The following PLCH2 variants were observed in gnomAD, a reference collection of about 807,000 sequenced individuals.
PLCH2 encodes phospholipase C eta 2, also known as 1-phosphatidylinositol 4,5-bisphosphate phosphodiesterase eta-2.
Under a neutral mutation model 134.7 loss-of-function variants are expected in PLCH2, and 98 were observed. The ratio of observed to expected loss-of-function variants is 0.73; its 90% CI spans 0.62 to 0.86. PLCH2 has a LOEUF of 0.86. Among genes scored for constraint, PLCH2 ranks in the 40% least tolerant of loss-of-function variants. PLCH2 has a pLI of 0.00. For missense variants in PLCH2, 1,994 were observed against 1,986.6 expected (o/e 1.00, Z -0.07); for synonymous variants, 974 against 827.5 (o/e 1.18, Z -3.04).
At chr1:2,434,348 C>T (rs1446729595) in intron 2 of PLCH2, among the ~76,000 whole-genome samples, 3 of 152,212 alleles carry the variant, frequency 2.0e-5, no homozygotes, top group Non-Finnish European at 4.4e-5. Flanking sequence ...GAAGGTGGCC[C>T]CAGCTCCTTG....
At chr1:2,460,193 G>A (rs1354584188) in intron 2 of PLCH2, among the ~76,000 whole-genome samples, 1 of 152,240 alleles carries the variant, frequency 6.6e-6, no homozygotes, top group Non-Finnish European at 1.5e-5. Flanking sequence ...TGCTGTCCAG[G>A]AAAGCAGCCC....
At chr1:2,481,195 G>T (rs1641953816) in intron 4 of PLCH2, among the ~76,000 whole-genome samples, 1 of 152,160 alleles carries the variant, frequency 6.6e-6, no homozygotes, top group South Asian at 2.1e-4. Flanking sequence ...TGTTCTCACT[G>T]TAGGTGGCTG....
intron 2 of PLCH2, among the ~76,000 whole-genome samples, chr1:2,445,429 T>C (rs1162906805): frequency 2.0e-5 from 3 of 151,816 alleles, no homozygotes; most frequent in Non-Finnish European, 4.4e-5. Flanking sequence ...CTGGTGGGAG[T>C]GTCTGCTGGA....
At chr1:2,419,424 C>T in the PLCH2 span, among the ~76,000 whole-genome samples, 3 of 152,134 alleles carry the variant, frequency 2.0e-5, no homozygotes, top group Non-Finnish European at 2.9e-5. Context: ...CAGAGGGGAT[C>T]GAAGGGGCGC....
At position 2,504,117 on chromosome 1, in the gene PLCH2, G is replaced by T; in HGVS notation, c.3155G>T (p.Arg1052Leu). The stretch of plus-strand genomic sequence containing the variant: ...CCCCTAGAGGACACTGAGGAGCCCC[G>T]AGACAGCAGGCCTCGGCCGTGCAAC... ...ASPLEDTEEP[R>L]DSRPRPCNGE... Residue 1052 changes from arginine to leucine, a missense_variant, in exon 22 of 22, where the codon CGA becomes CTA. By Grantham distance (102) the Arg-to-Leu change is moderately radical (BLOSUM62 -2). Around this residue, in one of 2 missense-constraint regions of PLCH2, gnomAD observed 900 missense variants for 752.3 expected, o/e 1.20. Coordinates refer to ENST00000378486, the MANE Select transcript of PLCH2 (RefSeq NM_014638.4). 6.6e-7 allele frequency: 1 copy of T among 1,524,010 alleles called. No homozygotes were observed. The highest frequency in any genetic ancestry group is 8.8e-7 in the Non-Finnish European group (1 of 1,136,094). The allele number at this position is 1,524,010 out of a possible 1,614,324, so 94.4% of individuals were successfully genotyped here. A position where few individuals can be genotyped will look rare whatever the true frequency, so the allele number is the denominator to read the frequency against.
Position 2,476,527 on chromosome 1 carries a change from G to A in PLCH2, c.-62G>A, listed in dbSNP as rs540673522. Reference sequence around the variant, plus strand: ...CCAGCGCTGCCACTGCCTGACCTCCGCTGCCCGAAGGCCGGTGGGCCTCTG... The same window carrying A: ...CCAGCGCTGCCACTGCCTGACCTCCACTGCCCGAAGGCCGGTGGGCCTCTG... On this transcript the variant is annotated 5_prime_UTR_variant, in exon 1 of 22. Coordinates refer to ENST00000378486, the MANE Select transcript of PLCH2 (RefSeq NM_014638.4). 88 of 1,425,480 alleles carry A rather than the reference G, an allele frequency of 6.2e-5. No individual in the cohort carries two copies. The highest frequency in any genetic ancestry group is 1.3e-4 in the African/African-American group (9 of 69,148). The allele number at this position is 1,425,480 out of a possible 1,614,324, so 88.3% of individuals were successfully genotyped here.
chr1:2,486,971 ACAAG>A lies in PLCH2; in HGVS notation c.882_885del (p.Asn294LysfsTer34). 1 of 1,606,056 alleles carries A rather than the reference ACAAG, an allele frequency of 6.2e-7. No individual in the cohort carries two copies. Among genetic ancestry groups the A allele is most frequent in the Non-Finnish European group, 8.5e-7 (1 of 1,176,522 alleles). ...GAGCAGTTTGAGCCATGCCCAGAAA[ACAAG>A]AGTAAGGGGCTGCTGGGCATTGATG... On this transcript the variant is annotated frameshift_variant, in exon 6 of 22. Coordinates refer to ENST00000378486, the MANE Select transcript of PLCH2 (RefSeq NM_014638.4). LOFTEE classifies it high-confidence loss of function.
intron 2 of PLCH2, among the ~76,000 whole-genome samples, chr1:2,433,739 G>C (rs1267645350): frequency 6.6e-6 from 1 of 152,198 alleles, no homozygotes; most frequent in Non-Finnish European, 1.5e-5. Context: ...AAAGACAAGG[G>C]AGAAAATCAG....
rs1639819271 is a variant in PLCH2 at position 2,444,009 on chromosome 1, G to A, written c.115+13380G>A. Among the ~76,000 whole-genome samples, 1 of 152,162 alleles carries A rather than the reference G, an allele frequency of 6.6e-6. No homozygotes were observed. Among genetic ancestry groups the A allele is most frequent in the Non-Finnish European group, 1.5e-5 (1 of 68,022 alleles). The stretch of plus-strand genomic sequence containing the variant: ...TCCTGCCGCTGCGCCGCTGCCAACC[G>A]GGATGCGCGGGTGGACGCGCGGGGG... On this transcript the variant is annotated intron_variant, in intron 2 of 3. Transcript: ENST00000609981. This position sits in a 1 kb window ranked among gnomAD's most constrained non-coding sequence, Gnocchi z 4.6.
In PLCH2 at chr1:2,439,542, T is replaced by G. The variant is rs1161495827; in HGVS notation, c.115+8913T>G. Among the ~76,000 whole-genome samples the G allele has an allele frequency of 6.6e-6, 1 of 152,262 alleles. No individual in the cohort carries two copies. The highest frequency in any genetic ancestry group is 1.9e-4 in the East Asian group (1 of 5,206). On this transcript the variant is annotated intron_variant, in intron 2 of 3. Coordinates refer to the PLCH2 transcript ENST00000609981. The surrounding 1 kb of genome is among the most constrained non-coding windows in gnomAD (Gnocchi z 4.7). ...CTTTCTAAATTTAGCTGCTGAGGAT[T>G]GCACGTTTACCCGATTAAGCCCATT...
rs750630843 is a variant in PLCH2 at position 2,495,580 on chromosome 1, C to T, written c.1835+10C>T. The T allele has an allele frequency of 6.5e-7, 1 of 1,538,658 alleles. No homozygotes were observed. The highest frequency in any genetic ancestry group is 2.0e-5 in the Admixed American group (1 of 49,596). ...GAGGCCAGAGCCGAGGGTAGGTGCC[C>T]TGCCCCACGGGGAGGCCCCGCACAC... On this transcript the variant is annotated intron_variant, in intron 13 of 21. Transcript: ENST00000378486.
chr1:2,462,884 C>T (rs907157249), upstream of PLCH2, among the ~76,000 whole-genome samples: 1 of 152,174 alleles, frequency 6.6e-6, no homozygotes, highest in African/African-American at 2.4e-5. Flanking sequence ...TGGATCTGGC[C>T]CTTCGAGGCC....
chr1:2,504,388 C>A lies in PLCH2; in HGVS notation c.3426C>A (p.Ser1142Arg), dbSNP rs768045322. ...QRLEPCGHRDSVSSSSSMSSS... is the reference protein window; with the variant it reads ...QRLEPCGHRDRVSSSSSMSSS... ...TGGAGCCATGTGGCCACCGAGACAG[C>A]GTTTCCTCCTCCTCCAGCATGTCAT... Residue 1142 changes from serine to arginine, a missense_variant, in exon 22 of 22, where the codon AGC becomes AGA. Ser to Arg is a moderately radical substitution (Grantham distance 110). Around this residue, in one of 2 missense-constraint regions of PLCH2, gnomAD observed 900 missense variants for 752.3 expected, o/e 1.20. Transcript: ENST00000378486. The A allele has an allele frequency of 1.2e-6, 2 of 1,612,298 alleles. No homozygotes were observed. The highest frequency in any genetic ancestry group is 3.3e-5 in the Admixed American group (2 of 60,020).
upstream of PLCH2, among the ~76,000 whole-genome samples, chr1:2,421,085 C>T (rs1476208543): frequency 6.6e-6 from 1 of 152,030 alleles, no homozygotes; most frequent in African/African-American, 2.4e-5. Context: ...GCTGAGATTA[C>T]AGGCATGCGC....
chr1:2,477,497 A>C (rs1641699208), intron 1 of PLCH2, among the ~76,000 whole-genome samples: 1 of 152,068 alleles, frequency 6.6e-6, no homozygotes, highest in South Asian at 2.1e-4. Flanking sequence ...TGGGGTGGGG[A>C]TTAACGTCTC....
At chr1:2,472,007 C>G (rs1195934076), upstream of PLCH2, among the ~76,000 whole-genome samples, 1 of 152,130 alleles carries the variant, frequency 6.6e-6, no homozygotes, top group African/African-American at 2.4e-5. Context: ...TAGGGTGGCC[C>G]CAGCCCCACA....
At chr1:2,421,079 A>G (rs192793261), upstream of PLCH2, among the ~76,000 whole-genome samples, 3 of 151,512 alleles carry the variant, frequency 2.0e-5, no homozygotes, top group East Asian at 5.9e-4. Context: ...TGAGTAGCTG[A>G]GATTACAGGC....
At chr1:2,467,261 G>A (rs1029137179), upstream of PLCH2, among the ~76,000 whole-genome samples, 18 of 152,120 alleles carry the variant, frequency 1.2e-4, no homozygotes, top group Non-Finnish European at 2.1e-4. Flanking sequence ...CAGCCAACCC[G>A]CCTCCCCTTC....
In PLCH2 at chr1:2,459,432, TCC is replaced by T. The variant is rs1204024585; in HGVS notation, c.116-19043_116-19042del. 5.4e-4 allele frequency among the ~76,000 whole-genome samples: 43 copies of T among 79,532 alleles called. 1 individual carries two copies. The highest frequency in any genetic ancestry group is 1.0e-3 in the Non-Finnish European group (39 of 39,088). 52.2% of individuals were successfully genotyped at this position (79,532 alleles called of 152,430 possible). A position where few individuals can be genotyped will look rare whatever the true frequency, so the allele number is the denominator to read the frequency against. Reference sequence around the variant, plus strand: ...TCCTGGTGGTCCTCCTTGCCGGTGGTCCTCCTTGCCGGTGGTCCTCCTTCCTG... The same window carrying T: ...TCCTGGTGGTCCTCCTTGCCGGTGGTTCCTTGCCGGTGGTCCTCCTTCCTG... On this transcript the variant is annotated intron_variant, in intron 2 of 3. Coordinates refer to the PLCH2 transcript ENST00000609981.
Sources: gnomAD v4.1 joint callset for allele counts (sites outside exome capture counted in the v4.1 genomes callset) on GRCh38, gnomAD v4.1.1 for gene constraint, gnomAD v4.1.1 regional missense constraint, Gnocchi (gnomAD v3.1) non-coding constraint, MANE v1.5 for transcripts, NCBI Gene and HGNC (gene_info 2026-07-23, HGNC 2026-07-21) for gene names.